Variants in ROBO4 observed in about 807,000 individuals in gnomAD.
ROBO4 encodes roundabout homolog 4.
A neutral mutation model predicts 103.3 loss-of-function variants in ROBO4; 80 were observed. That is an observed-to-expected ratio of 0.77 (90% CI 0.65 to 0.93). The LOEUF (loss-of-function observed/expected upper bound fraction) is 0.93, where lower values mean the gene tolerates loss of function less well. ROBO4 is among the 40% of genes least tolerant of loss of function. The pLI, the probability that ROBO4 is intolerant of heterozygous loss-of-function variation, is 0.00. For synonymous variants in ROBO4, 504 were observed against 529.7 expected, an observed-to-expected ratio of 0.95 and a Z score of 0.67; for missense variants, 1,333 against 1,305.3, an observed-to-expected ratio of 1.02 and a Z score of -0.33.
At position 124,895,507 on chromosome 11, in the gene ROBO4, C is replaced by G. The variant is rs200463910; in HGVS notation, c.986G>C (p.Arg329Pro). 1 of 1,611,498 alleles carries G rather than the reference C, an allele frequency of 6.2e-7. No individual in the cohort carries two copies. Among genetic ancestry groups the G allele is most frequent in the Non-Finnish European group, 8.5e-7 (1 of 1,180,016 alleles). Residue 329 changes from arginine to proline, a missense_variant, in exon 6 of 18, where the codon CGG becomes CCG. Coordinates refer to ENST00000306534, the MANE Select transcript of ROBO4 (RefSeq NM_019055.6). ...CACGTTGCTGTCAGGGCCTCGAGCC[C>G]GGCCAGAGGATGGTCTCACTTTGAA... ...YEFKVRPSSGRARGPDSNVLL... is the reference protein window; with the variant it reads ...YEFKVRPSSGPARGPDSNVLL...
rs775803636 is a variant in ROBO4, at chr11:124,895,870, C to A, written c.722G>T (p.Arg241Leu). The A allele has an allele frequency of 6.2e-7, 1 of 1,614,134 alleles. No homozygotes were observed. ...YTEPVELLAV[R>L]IQLENVTLLN... The stretch of plus-strand genomic sequence containing the variant: ...CAGTGTCACATTTTCCAGCTGAATT[C>A]GCACAGCCAGAAGCTCCACAGGCTC... The change falls in exon 5 of 18, where the codon CGA (arginine) becomes CTA (leucine). Residue 241 changes from arginine to leucine, a missense_variant. Physicochemically the swap from Arg to Leu is moderately radical, Grantham distance 102 (BLOSUM62 -2). Coordinates refer to ENST00000306534, the MANE Select transcript of ROBO4 (RefSeq NM_019055.6).
chr11:124,890,390 A>G (rs974037606), intron 12 of ROBO4, among the ~76,000 whole-genome samples: 1 of 152,264 alleles, frequency 6.6e-6, no homozygotes, highest in African/African-American at 2.4e-5. Flanking sequence ...AGACTCAAGA[A>G]GACAGCAGGT....
rs533730092 is a variant in ROBO4 at position 124,886,554 on chromosome 11, C to A, written c.2704G>T (p.Ala902Ser). ...AGGGCCCGGGCAAAGTGAGCATCAG[C>A]GAGGAAGGAGCCATCGGAGGAGCTG... Reference protein sequence around the residue: ...LVSSSDGSFLADAHFARALAV... With the variant: ...LVSSSDGSFLSDAHFARALAV... Residue 902 changes from alanine (A) to serine (S), a missense_variant, in exon 16 of 18, where the codon GCT (alanine) becomes TCT (serine). Physicochemically the swap from Ala to Ser is moderately conservative, Grantham distance 99 (BLOSUM62 1). Coordinates refer to ENST00000306534, the MANE Select transcript of ROBO4 (RefSeq NM_019055.6). 1.3e-5 allele frequency: 21 copies of A among 1,614,084 alleles called. No homozygotes were observed. In the East Asian group the frequency reaches 4.0e-4, roughly 31 times the overall value.
intron 10 of ROBO4, among the ~76,000 whole-genome samples, chr11:124,893,364 C>A (rs1044454781): frequency 6.6e-6 from 1 of 152,118 alleles, no homozygotes; most frequent in African/African-American, 2.4e-5. Context: ...CATGGGTGCA[C>A]GCATAAGATG....
chr11:124,892,396 T>C (rs1385811344), intron 10 of ROBO4: 1 of 251,124 alleles, frequency 4.0e-6, no homozygotes, highest in Admixed American at 5.0e-5. Flanking sequence ...TTTACCATGA[T>C]AGAGCCCAGG....
chr11:124,890,236 A>G (rs1272120169), intron 12 of ROBO4, among the ~76,000 whole-genome samples: 1 of 152,222 alleles, frequency 6.6e-6, no homozygotes, highest in Non-Finnish European at 1.5e-5. Flanking sequence ...AGCTTCGCTG[A>G]TATTTACAGT....
chr11:124,885,317 A>T lies in ROBO4; in HGVS notation c.2795-70T>A. On this transcript the variant is annotated intron_variant, in intron 16 of 17. Transcript: ENST00000306534. ...CCCTAGGGGCCAGTTTAGTACAGAA[A>T]GCTTAGGACCAGCTCAGGGCATGTA... The T allele has an allele frequency of 2.2e-6, 3 of 1,340,188 alleles. No individual in the cohort carries two copies. The Admixed American group carries it at 5.3e-5, about 24-fold the overall frequency. The allele number at this position is 1,340,188 out of a possible 1,614,324, so 83.0% of individuals were successfully genotyped here. A position where few individuals can be genotyped will look rare whatever the true frequency, so the allele number is the denominator to read the frequency against.
In ROBO4 at chr11:124,885,051, G is replaced by T. The variant is rs567179299; in HGVS notation, c.2991C>A (p.Pro997=). The part of the protein sequence containing the change: ...SQRSQLHCRM[P]KAGASPVDYS ...AAGACAGACACTCACCACCAGCCTTGGGCATACGACAGTGGAGCTGACTTC... is the reference window on the plus strand; with the variant it reads ...AAGACAGACACTCACCACCAGCCTTTGGCATACGACAGTGGAGCTGACTTC... The change falls in exon 17 of 18, where the codon CCC becomes CCA. Residue 997 remains proline, a synonymous_variant. Coordinates refer to ENST00000306534, the MANE Select transcript of ROBO4 (RefSeq NM_019055.6). 8 of 1,614,120 alleles carry T rather than the reference G, an allele frequency of 5.0e-6. No homozygotes were observed. In the East Asian group the frequency reaches 1.8e-4, roughly 36 times the overall value.
Position 124,894,329 on chromosome 11 carries a change from C to A in ROBO4, c.1190G>T (p.Trp397Leu). Residue 397 changes from tryptophan (W) to leucine (L), a missense_variant, in exon 8 of 18, where the codon TGG (tryptophan) becomes TTG (leucine). Physicochemically the swap from Trp to Leu is moderately conservative, Grantham distance 61. Coordinates refer to ENST00000306534, the MANE Select transcript of ROBO4 (RefSeq NM_019055.6). ...LGNTSLPPAN[W>L]TVVGEQTQLE... ...CTGGGTCTGCTCACCAACTACAGTC[C>A]AGTTGGCTGGTGGCAGTGATGTGTT... The A allele has an allele frequency of 6.2e-7, 1 of 1,613,824 alleles. No individual in the cohort carries two copies.
At chr11:124,896,870 A>G in intron 2 of ROBO4, 62 bp downstream of exon 2, 1 of 1,567,298 alleles carries the variant, frequency 6.4e-7, no homozygotes, top group South Asian at 1.2e-5. Flanking sequence ...TCCCTTGAAC[A>G]TTCAGCTCAG....
chr11:124,884,936 C>T (rs1565320467), intron 17 of ROBO4, 23 bp from the exon 18 acceptor site: 1 of 1,614,164 alleles, frequency 6.2e-7, no homozygotes, highest in South Asian at 1.1e-5. Flanking sequence ...GGAGTTATCT[C>T]CCTTGCTCCT....
chr11:124,895,660 T>C lies in ROBO4; in HGVS notation c.833A>G (p.Gln278Arg), dbSNP rs1255153640. The C allele has an allele frequency of 6.2e-7, 1 of 1,613,064 alleles. No individual in the cohort carries two copies. Among genetic ancestry groups the C allele is most frequent in the African/African-American group, 1.3e-5 (1 of 74,880 alleles). ...WKVSGPAAPA[Q>R]SYTALFRTQT... is the part of the protein sequence containing the mutation. ...GGTCCTGAACAAGGCCGTGTAAGAT[T>C]GGGCAGGCGCAGCAGGGCCACTGAC... Residue 278 changes from glutamine to arginine, a missense_variant, in exon 6 of 18, where the codon CAA becomes CGA. Transcript: ENST00000306534.
chr11:124,894,394 G>T, intron 7 of ROBO4, 25 bp from the exon 8 acceptor site: 1 of 1,596,782 alleles, frequency 6.3e-7, no homozygotes. Flanking sequence ...GAGGTGAACA[G>T]CTTCCCCAGG....
In ROBO4 at chr11:124,887,738, C is replaced by T. The variant is rs2135367629; in HGVS notation, c.2051G>A (p.Ser684Asn). The T allele has an allele frequency of 2.5e-6, 4 of 1,613,926 alleles. No individual in the cohort carries two copies. Among genetic ancestry groups the T allele is most frequent in the Non-Finnish European group, 3.4e-6 (4 of 1,179,894 alleles). The change falls in exon 13 of 18, where the codon AGC (serine) becomes AAC (asparagine). Residue 684 changes from serine to asparagine, a missense_variant. By Grantham distance (46) the Ser-to-Asn change is conservative (BLOSUM62 1). Coordinates refer to ENST00000306534, the MANE Select transcript of ROBO4 (RefSeq NM_019055.6). ...GNRGSKNLSQ[S>N]PGAVPQALVA... Reference sequence around the variant, plus strand: ...TTTCAGGGACCCCCTCTCACCTGGGCTTTGGGAAAGGTTCTTGGAACCTCT... The same window carrying T: ...TTTCAGGGACCCCCTCTCACCTGGGTTTTGGGAAAGGTTCTTGGAACCTCT...
rs781054083 is a variant in ROBO4, at chr11:124,895,594, T to C, written c.899A>G (p.Glu300Gly). Residue 300 changes from glutamate to glycine, a missense_variant, in exon 6 of 18, where the codon GAG (glutamate) becomes GGG (glycine). Glu to Gly is a moderately conservative substitution (Grantham distance 98). Coordinates refer to ENST00000306534, the MANE Select transcript of ROBO4 (RefSeq NM_019055.6). The part of the protein sequence containing the change: ...PGGQGAPWAE[E>G]LLAGWQSAEL... The stretch of plus-strand genomic sequence containing the variant: ...TGCGCTCTGCCAGCCGGCCAGCAGC[T>C]CCTCTGCCCACGGAGCTCCCTGGCC... The C allele has an allele frequency of 3.7e-6, 6 of 1,613,492 alleles. No homozygotes were observed. The East Asian group carries it at 1.3e-4, about 36-fold the overall frequency.
In ROBO4 at chr11:124,884,772, G is replaced by A. The variant is rs1176817342; in HGVS notation, c.*119C>T. On this transcript the variant is annotated 3_prime_UTR_variant, in exon 18 of 18. Coordinates refer to ENST00000306534, the MANE Select transcript of ROBO4 (RefSeq NM_019055.6). The stretch of plus-strand genomic sequence containing the variant: ...GAGGGAGAACTCTCTGGAGGCTTGG[G>A]AAGGTGGACCCCAGCTGCAGAGAAA... The A allele has an allele frequency of 9.8e-6, 11 of 1,125,648 alleles. No homozygotes were observed. In the East Asian group the frequency reaches 2.6e-4, roughly 27 times the overall value. The allele number at this position is 1,125,648 out of a possible 1,614,324, so 69.7% of individuals were successfully genotyped here. A position where few individuals can be genotyped will look rare whatever the true frequency, so the allele number is the denominator to read the frequency against.
At chr11:124,886,853 G>A in intron 15 of ROBO4, 31 bp from the exon 16 acceptor site, 1 of 1,529,198 alleles carries the variant, frequency 6.5e-7, no homozygotes, top group Non-Finnish European at 8.8e-7. Flanking sequence ...AGACAGCAAT[G>A]GTTTGGGTGG....
At chr11:124,895,010 G>T in intron 7 of ROBO4, 71 bp downstream of exon 7, 1 of 1,157,786 alleles carries the variant, frequency 8.6e-7, no homozygotes, top group Non-Finnish European at 1.3e-6. Flanking sequence ...CAGAGCAAGG[G>T]TATGCAGAAC....
In ROBO4 at chr11:124,891,451, G is replaced by A; in HGVS notation, c.1796C>T (p.Pro599Leu). Residue 599 changes from proline to leucine, a missense_variant, in exon 12 of 18, where the codon CCC becomes CTC. Transcript: ENST00000306534. ...LPSSTPARPSPQVPAVRRLPP... is the reference protein window; with the variant it reads ...LPSSTPARPSLQVPAVRRLPP... ...GAGGCGCCTGACAGCTGGGACCTGG[G>A]GACTTGGCCTGGCTGGGGTACTGGA... 1 of 1,605,688 alleles carries A rather than the reference G, an allele frequency of 6.2e-7. No individual in the cohort carries two copies. The highest frequency in any genetic ancestry group is 1.1e-5 in the South Asian group (1 of 89,510).
Sources: gnomAD v4.1 joint callset for allele counts (sites outside exome capture counted in the v4.1 genomes callset) on GRCh38, gnomAD v4.1.1 for gene constraint, MANE v1.5 for transcripts, NCBI Gene and HGNC (gene_info 2026-07-23, HGNC 2026-07-21) for gene names.